The following SKIC2 variants were observed in gnomAD, a reference collection of about 807,000 sequenced individuals.
SKIC2 encodes superkiller complex protein 2.
At chr6:31,962,969 C>T in the SKIC2 span, 4 of 1,592,254 alleles carry the variant, frequency 2.5e-6, no homozygotes, top group South Asian at 4.4e-5. The surrounding 1 kb of genome is among the most constrained non-coding windows in gnomAD (Gnocchi z 5.0). Context: ...GACCTCCCTT[C>T]CCTCTCTGTG....
chr6:31,968,358 T>C, the SKIC2 span: 9 of 1,612,928 alleles, frequency 5.6e-6, no homozygotes, highest in Non-Finnish European at 7.6e-6. This position sits in a 1 kb window ranked among gnomAD's most constrained non-coding sequence, Gnocchi z 6.1. Flanking sequence ...CCGTGACCAC[T>C]GCTGTCCAGG....
the SKIC2 span, chr6:31,963,559 G>A: frequency 1.3e-6 from 2 of 1,568,818 alleles, no homozygotes; most frequent in Non-Finnish European, 1.7e-6. This position sits in a 1 kb window ranked among gnomAD's most constrained non-coding sequence, Gnocchi z 5.3. Flanking sequence ...CATACAAAAG[G>A]GTAAGCCTCG....
the SKIC2 span, chr6:31,966,729 G>A: frequency 3.1e-6 from 5 of 1,614,036 alleles, no homozygotes; most frequent in Non-Finnish European, 3.4e-6. The surrounding 1 kb of genome is among the most constrained non-coding windows in gnomAD (Gnocchi z 5.9). Context: ...CCCAGCTGCA[G>A]TCCCAGTTCC....
chr6:31,963,830 C>A, the SKIC2 span: 1 of 1,470,112 alleles, frequency 6.8e-7, no homozygotes, highest in African/African-American at 1.4e-5. The surrounding 1 kb of genome is among the most constrained non-coding windows in gnomAD (Gnocchi z 5.3). Flanking sequence ...GAGCTTTGAG[C>A]ACTGCCCCAG....
chr6:31,967,597 C>A, the SKIC2 span: 1 of 1,199,276 alleles, frequency 8.3e-7, no homozygotes, highest in Non-Finnish European at 1.2e-6. The surrounding 1 kb of genome is among the most constrained non-coding windows in gnomAD (Gnocchi z 4.9). Context: ...TTGCCCCTCT[C>A]TACTGGTGAG....
At chr6:31,959,843 A>T in the SKIC2 span, 1 of 607,426 alleles carries the variant, frequency 1.6e-6, no homozygotes, top group Admixed American at 2.9e-5. Flanking sequence ...GAAATCCAAA[A>T]TCTGCCCCAG....
At chr6:31,960,212 C>T in the SKIC2 span, 6 of 1,612,238 alleles carry the variant, frequency 3.7e-6, no homozygotes. Context: ...TACTATTTTT[C>T]TCTCCAGAAA....
the SKIC2 span, chr6:31,959,462 C>T: frequency 2.7e-6 from 3 of 1,129,386 alleles, no homozygotes; most frequent in Admixed American, 5.1e-5. Context: ...TCACCCTCCT[C>T]ACAGTAGGAT....
At chr6:31,961,612 C>T in the SKIC2 span, 1 of 1,613,052 alleles carries the variant, frequency 6.2e-7, no homozygotes, top group South Asian at 1.1e-5. Flanking sequence ...AGTGGGCCAT[C>T]CCTGTGGACG....
chr6:31,968,698 C>T, the SKIC2 span: 25 of 1,612,156 alleles, frequency 1.6e-5, no homozygotes, highest in South Asian at 2.1e-4. This position sits in a 1 kb window ranked among gnomAD's most constrained non-coding sequence, Gnocchi z 6.1. Flanking sequence ...CCTGAAGCTG[C>T]GGGAGCGAAT....
At chr6:31,963,862 T>C in the SKIC2 span, 2 of 1,528,792 alleles carry the variant, frequency 1.3e-6, no homozygotes, top group Non-Finnish European at 1.8e-6. The surrounding 1 kb of genome is among the most constrained non-coding windows in gnomAD (Gnocchi z 5.3). Context: ...TCACCTCTCA[T>C]TGGTTCAGGA....
the SKIC2 span, chr6:31,963,717 A>AG: frequency 2.6e-6 from 4 of 1,546,762 alleles, no homozygotes; most frequent in South Asian, 2.5e-5. The surrounding 1 kb of genome is among the most constrained non-coding windows in gnomAD (Gnocchi z 5.3). Flanking sequence ...CCCACACATC[A>AG]GGGGGGCCCT....
chr6:31,960,481 G>C, the SKIC2 span: 2 of 1,614,118 alleles, frequency 1.2e-6, no homozygotes, highest in Non-Finnish European at 1.7e-6. Context: ...TTGTCTCTTC[G>C]CCGGCCTCCA....
the SKIC2 span, chr6:31,966,022 GC>G: frequency 6.4e-7 from 1 of 1,551,572 alleles, no homozygotes; most frequent in Non-Finnish European, 8.8e-7. This position sits in a 1 kb window ranked among gnomAD's most constrained non-coding sequence, Gnocchi z 5.9. Flanking sequence ...TGGTGAGCGG[GC>G]CAGCATGCTC....
At chr6:31,963,868 C>G in the SKIC2 span, 1 of 1,546,858 alleles carries the variant, frequency 6.5e-7, no homozygotes, top group South Asian at 1.1e-5. The surrounding 1 kb of genome is among the most constrained non-coding windows in gnomAD (Gnocchi z 5.3). Flanking sequence ...CTCATTGGTT[C>G]AGGAACTCAA....
At chr6:31,962,897 T>C in the SKIC2 span, 2 of 1,327,336 alleles carry the variant, frequency 1.5e-6, no homozygotes, top group Non-Finnish European at 2.2e-6. The surrounding 1 kb of genome is among the most constrained non-coding windows in gnomAD (Gnocchi z 5.0). Context: ...TACTGCTTTC[T>C]TTACCCCCAT....
chr6:31,967,751 C>G, the SKIC2 span: 1 of 1,613,096 alleles, frequency 6.2e-7, no homozygotes, highest in Non-Finnish European at 8.5e-7. This position sits in a 1 kb window ranked among gnomAD's most constrained non-coding sequence, Gnocchi z 4.9. Context: ...ATTCACAACC[C>G]TGGTCTTGTG....
chr6:31,961,355 G>A, the SKIC2 span: 1 of 1,567,810 alleles, frequency 6.4e-7, no homozygotes, highest in Non-Finnish European at 8.6e-7. Flanking sequence ...CCCCTGGCCC[G>A]AGCAAGCAGC....
the SKIC2 span, chr6:31,961,301 G>C: frequency 8.1e-6 from 13 of 1,601,534 alleles, no homozygotes; most frequent in Non-Finnish European, 1.1e-5. Context: ...GGACAGCCAG[G>C]AGGTCCCAGA....
Sources: allele counts gnomAD v4.1 joint callset, GRCh38; gene constraint gnomAD v4.1.1; non-coding constraint Gnocchi (gnomAD v3.1); transcripts MANE v1.5; gene names NCBI Gene and HGNC (gene_info 2026-07-23, HGNC 2026-07-21).